CDH23: variants seen among roughly 807,000 people sequenced by gnomAD.
The protein encoded by CDH23 is cadherin-23.
CDH23 carries 189 observed loss-of-function variants against 317.1 expected under a neutral mutation model. That is an observed-to-expected ratio of 0.60 (90% CI 0.53 to 0.67). The LOEUF (loss-of-function observed/expected upper bound fraction) is 0.67. Among genes scored for constraint, CDH23 ranks in the 30% least tolerant of loss-of-function variants. CDH23 has a pLI of 0.00. For synonymous variants in CDH23, 1,839 were observed against 1,876.8 expected, an observed-to-expected ratio of 0.98 and a Z score of 0.52; for missense variants, 4,401 against 4,592.4, an observed-to-expected ratio of 0.96 and a Z score of 1.20.
intron 29 of CDH23, 148 bp downstream of exon 29, chr10:71,724,253 C>G: frequency 1.3e-6 from 1 of 777,814 alleles, no homozygotes; most frequent in Non-Finnish European, 2.1e-6. Flanking sequence ...GAAACAGGGA[C>G]ATTCTCCTTA....
At chr10:71,530,622 C>T (rs1457651558) in intron 6 of CDH23, among the ~76,000 whole-genome samples, 1 of 152,242 alleles carries the variant, frequency 6.6e-6, no homozygotes, top group Non-Finnish European at 1.5e-5. Context: ...CTTTCCCAAG[C>T]ACCTACAATT....
At chr10:71,451,601 A>G (rs1850448354) in intron 3 of CDH23, among the ~76,000 whole-genome samples, 1 of 152,190 alleles carries the variant, frequency 6.6e-6, no homozygotes, top group South Asian at 2.1e-4. Context: ...TTCAGATGCC[A>G]CCGCCTCTGG....
intron 9 of CDH23, among the ~76,000 whole-genome samples, chr10:71,606,263 A>G (rs776950769): frequency 2.6e-5 from 4 of 152,236 alleles, no homozygotes; most frequent in Non-Finnish European, 5.9e-5. Context: ...TGCCGTTCAC[A>G]CCTACTTGAG....
intron 31 of CDH23, among the ~76,000 whole-genome samples, chr10:71,730,871 A>C (rs1449433177): frequency 6.6e-6 from 1 of 152,248 alleles, no homozygotes; most frequent in Non-Finnish European, 1.5e-5. Context: ...CCGTCATCCC[A>C]GGACCCAGCA....
At chr10:71,717,277 G>A (rs1180271762) in intron 28 of CDH23, 1 of 152,140 alleles carries the variant, frequency 6.6e-6, no homozygotes, top group Non-Finnish European at 1.5e-5. Flanking sequence ...GGAAGGCCAA[G>A]GCCACATTGT....
chr10:71,601,961 A>AGGCG (rs1289348195), intron 9 of CDH23, among the ~76,000 whole-genome samples: 25 of 140,072 alleles, frequency 1.8e-4, no homozygotes, highest in African/African-American at 6.3e-4. Flanking sequence ...TGGGCGGCGG[A>AGGCG]GGGGGGGGGG....
chr10:71,688,503 G>A (rs1865000207), intron 19 of CDH23, among the ~76,000 whole-genome samples: 1 of 151,912 alleles, frequency 6.6e-6, no homozygotes, highest in African/African-American at 2.4e-5. Context: ...AGGGATGGTG[G>A]AGCCAGGGGT....
intron 20 of CDH23, among the ~76,000 whole-genome samples, chr10:71,693,277 C>CTTTT (rs58326810): frequency 6.7e-6 from 1 of 148,252 alleles, no homozygotes. Context: ...TGGCAAATGC[C>CTTTT]TTTTTTTTTT....
At chr10:71,670,192 G>A (rs964024642) in intron 14 of CDH23, among the ~76,000 whole-genome samples, 6 of 152,158 alleles carry the variant, frequency 3.9e-5, no homozygotes, top group South Asian at 2.1e-4. Context: ...TATAAACCCC[G>A]CCTCGCCCCA....
At chr10:71,799,778 C>T in intron 52 of CDH23, 149 bp downstream of exon 52, 1 of 1,066,346 alleles carries the variant, frequency 9.4e-7, no homozygotes, top group Non-Finnish European at 1.4e-6. Context: ...AGTCAGCAAA[C>T]CCTGTTCTCA....
chr10:71,534,686 G>A (rs753715981), intron 6 of CDH23, among the ~76,000 whole-genome samples: 7 of 152,162 alleles, frequency 4.6e-5, no homozygotes, highest in African/African-American at 7.2e-5. Flanking sequence ...GTTCGACCCC[G>A]TGACATTTTA....
At chr10:71,580,461 C>T (rs975162533) in intron 9 of CDH23, among the ~76,000 whole-genome samples, 1 of 152,216 alleles carries the variant, frequency 6.6e-6, no homozygotes, top group African/African-American at 2.4e-5. Context: ...ACTGCCAGCA[C>T]AGATGTGTCT....
chr10:71,731,159 G>A (rs1839368766), intron 31 of CDH23, among the ~76,000 whole-genome samples: 1 of 152,184 alleles, frequency 6.6e-6, no homozygotes, highest in African/African-American at 2.4e-5. Context: ...AAGCATGCCG[G>A]GTCTCTGTGG....
At chr10:71,459,064 G>A (rs1589338750) in intron 3 of CDH23, among the ~76,000 whole-genome samples, 2 of 149,970 alleles carry the variant, frequency 1.3e-5, no homozygotes, top group Middle Eastern at 3.6e-3. Flanking sequence ...GGGATTACAG[G>A]TGTGAGCCAC....
chr10:71,614,676 C>G (rs1333050151), intron 9 of CDH23, among the ~76,000 whole-genome samples: 1 of 152,194 alleles, frequency 6.6e-6, no homozygotes, highest in Non-Finnish European at 1.5e-5. Flanking sequence ...TCAGGACTGC[C>G]TTTCTGGAGG....
chr10:71,411,827 C>G (rs1848357203), intron 1 of CDH23, among the ~76,000 whole-genome samples: 1 of 151,970 alleles, frequency 6.6e-6, no homozygotes, highest in Non-Finnish European at 1.5e-5. Flanking sequence ...TAAAATTTAC[C>G]TTTTAAACCC....
intron 14 of CDH23, among the ~76,000 whole-genome samples, chr10:71,655,962 G>A (rs1210598308): frequency 6.6e-6 from 1 of 152,138 alleles, no homozygotes; most frequent in Non-Finnish European, 1.5e-5. Flanking sequence ...GAAGACTGCT[G>A]GCCAGAGAAC....
chr10:71,705,231 A>G, intron 25 of CDH23, 101 bp downstream of exon 25: 1 of 1,136,828 alleles, frequency 8.8e-7, no homozygotes, highest in Non-Finnish European at 1.2e-6. Context: ...ACTGCTGTCT[A>G]TTGGACTTGT....
At chr10:71,524,746 G>A (rs1291170394) in intron 6 of CDH23, among the ~76,000 whole-genome samples, 1 of 152,156 alleles carries the variant, frequency 6.6e-6, no homozygotes, top group Non-Finnish European at 1.5e-5. Context: ...ATGCAGAGGT[G>A]AGTGTTGGGA....
Sources: gnomAD v4.1 joint callset for allele counts (sites outside exome capture counted in the v4.1 genomes callset) on GRCh38, gnomAD v4.1.1 for gene constraint, MANE v1.5 for transcripts, NCBI Gene and HGNC (gene_info 2026-07-23, HGNC 2026-07-21) for gene names.